Variants in DRAXIN observed in about 807,000 individuals in gnomAD.
The protein encoded by DRAXIN is dorsal inhibitory axon guidance protein, also known as dorsal repulsive axon guidance protein.
DRAXIN carries 27 observed loss-of-function variants against 33.9 expected under a neutral mutation model. The observed-to-expected ratio is 0.80, with a 90% CI of 0.59 to 1.10. The LOEUF (loss-of-function observed/expected upper bound fraction) is 1.10, where lower values mean the gene tolerates loss of function less well. DRAXIN is among the 50% of genes least tolerant of loss of function. DRAXIN has a pLI of 0.00. For missense variants in DRAXIN, 371 were observed against 460.8 expected, an observed-to-expected ratio of 0.81 and a Z score of 1.78; for synonymous variants, 178 against 194.0, an observed-to-expected ratio of 0.92 and a Z score of 0.69.
At position 11,706,298 on chromosome 1, in the gene DRAXIN, C is replaced by T. The variant is rs1360682193; in HGVS notation, c.40C>T (p.Leu14Phe). 2 of 1,612,418 alleles carry T rather than the reference C, an allele frequency of 1.2e-6. No individual in the cohort carries two copies. Among genetic ancestry groups the T allele is most frequent in the East Asian group, 2.2e-5 (1 of 44,866 alleles). Residue 14 changes from leucine (L) to phenylalanine (F), a missense_variant, in exon 2 of 7, where the codon CTC (leucine) becomes TTC (phenylalanine). Transcript: ENST00000294485. The surrounding 1 kb of genome is among the most constrained non-coding windows in gnomAD (Gnocchi z 5.5). ...PAIHTAPMLF[L>F]VLLLPLELSL... ...CATCCACACCGCTCCCATGCTGTTC[C>T]TCGTCCTCCTGCTGCCCCTGGAGCT...
At chr1:11,698,902 CAT>C (rs1641231155) in intron 1 of DRAXIN, among the ~76,000 whole-genome samples, 1 of 152,196 alleles carries the variant, frequency 6.6e-6, no homozygotes, top group Non-Finnish European at 1.5e-5. Flanking sequence ...ACTACAGAGA[CAT>C]AAAACCTGAG....
In DRAXIN at chr1:11,692,383, G is replaced by T. The variant is rs577415794; in HGVS notation, c.-11+530G>T. Among the ~76,000 whole-genome samples, 1 of 152,198 alleles carries T rather than the reference G, an allele frequency of 6.6e-6. No individual in the cohort carries two copies. The highest frequency in any genetic ancestry group is 1.5e-5 in the Non-Finnish European group (1 of 68,030). ...TTTCGAGGCCGCCCAGGAGGCTGGG[G>T]TGTGTGGCCGGGGTCGCTGAGTGCG... is the stretch of plus-strand genomic sequence containing the variant. On this transcript the variant is annotated intron_variant, in intron 1 of 6. Coordinates refer to ENST00000294485, the MANE Select transcript of DRAXIN (RefSeq NM_198545.4). This position sits in a 1 kb window ranked among gnomAD's most constrained non-coding sequence, Gnocchi z 5.8.
upstream of DRAXIN, among the ~76,000 whole-genome samples, chr1:11,690,682 A>T (rs563791238): frequency 4.6e-5 from 7 of 152,324 alleles, no homozygotes; most frequent in Admixed American, 3.9e-4. The surrounding 1 kb of genome is among the most constrained non-coding windows in gnomAD (Gnocchi z 4.2). Context: ...TGCTTCCCAC[A>T]TATGGGAGTC....
chr1:11,687,821 A>G (rs1452957722), upstream of DRAXIN, among the ~76,000 whole-genome samples: 1 of 152,180 alleles, frequency 6.6e-6, no homozygotes, highest in Non-Finnish European at 1.5e-5. This position sits in a 1 kb window ranked among gnomAD's most constrained non-coding sequence, Gnocchi z 4.1. Context: ...CGTAGAACCA[A>G]AATACTCCCG....
At chr1:11,697,895 A>G (rs1641215706) in intron 1 of DRAXIN, among the ~76,000 whole-genome samples, 1 of 152,324 alleles carries the variant, frequency 6.6e-6, no homozygotes, top group African/African-American at 2.4e-5. Context: ...TGGGCGATAC[A>G]GAGCCACAGG....
intron 4 of DRAXIN, 70 bp downstream of exon 4, chr1:11,712,035 G>A: frequency 1.4e-6 from 2 of 1,467,196 alleles, no homozygotes; most frequent in Non-Finnish European, 1.9e-6. Flanking sequence ...GTTGAGGTGG[G>A]GGCCCCAGTG....
intron 1 of DRAXIN, among the ~76,000 whole-genome samples, chr1:11,698,591 G>A (rs928654045): frequency 2.6e-5 from 4 of 152,304 alleles, no homozygotes; most frequent in East Asian, 1.9e-4. Context: ...CGGGACTCAC[G>A]CCTGTAATTC....
chr1:11,717,482 T>C (rs1251252804), intron 6 of DRAXIN, among the ~76,000 whole-genome samples: 1 of 147,256 alleles, frequency 6.8e-6, no homozygotes, highest in Non-Finnish European at 1.5e-5. Flanking sequence ...ACCAACATGG[T>C]GAAATCCCAT....
chr1:11,715,054 G>A (rs1166749329), intron 5 of DRAXIN, 65 bp from the exon 6 acceptor site: 18 of 1,573,632 alleles, frequency 1.1e-5, no homozygotes, highest in South Asian at 2.2e-5. Context: ...CAGTGGGACC[G>A]AGTGCAGGGC....
At position 11,721,812 on chromosome 1, in the gene DRAXIN, C is replaced by T. The variant is rs1320162822; in HGVS notation, c.*2116C>T. The T allele has an allele frequency of 2.0e-5, 3 of 152,108 alleles. No individual in the cohort carries two copies. The highest frequency in any genetic ancestry group is 1.9e-4 in the East Asian group (1 of 5,196). 9.4% of individuals were successfully genotyped at this position (152,108 alleles called of 1,614,324 possible). ...CCAGCCTGGCCAACATGGCAAAACC[C>T]GGTCTCTACCAAATATACAAAAATT... On this transcript the variant is annotated 3_prime_UTR_variant, in exon 7 of 7. Coordinates refer to ENST00000294485, the MANE Select transcript of DRAXIN (RefSeq NM_198545.4).
At chr1:11,709,571 C>A in intron 3 of DRAXIN, 106 bp downstream of exon 3, 1 of 1,313,088 alleles carries the variant, frequency 7.6e-7, no homozygotes, top group Non-Finnish European at 1.0e-6. Context: ...GGCAGGAGGC[C>A]ACAGAGCTTA....
upstream of DRAXIN, among the ~76,000 whole-genome samples, chr1:11,687,812 G>A (rs770843505): frequency 2.0e-5 from 3 of 152,060 alleles, no homozygotes; most frequent in East Asian, 1.9e-4. This position sits in a 1 kb window ranked among gnomAD's most constrained non-coding sequence, Gnocchi z 4.1. Flanking sequence ...TCATTCCTTC[G>A]TAGAACCAAA....
In DRAXIN at chr1:11,704,373, A is replaced by G. The variant is rs891466366; in HGVS notation, c.-10-1876A>G. Among the ~76,000 whole-genome samples, 1 of 152,088 alleles carries G rather than the reference A, an allele frequency of 6.6e-6. No homozygotes were observed. Among genetic ancestry groups the G allele is most frequent in the Non-Finnish European group, 1.5e-5 (1 of 67,980 alleles). Reference sequence around the variant, plus strand: ...CAGTGGTCAGGCTAAATGCCAGCCCAGAGAGCAGCCCCGCTCCACTGGCCC... The same window carrying G: ...CAGTGGTCAGGCTAAATGCCAGCCCGGAGAGCAGCCCCGCTCCACTGGCCC... On this transcript the variant is annotated intron_variant, in intron 1 of 6. Transcript: ENST00000294485. This position sits in a 1 kb window ranked among gnomAD's most constrained non-coding sequence, Gnocchi z 4.6.
rs1641368898 is a variant in DRAXIN at position 11,705,821 on chromosome 1, T to C, written c.-10-428T>C. On this transcript the variant is annotated intron_variant, in intron 1 of 6. Transcript: ENST00000294485. This position sits in a 1 kb window ranked among gnomAD's most constrained non-coding sequence, Gnocchi z 4.8. ...ATGGAATTAGGCTCCGAGTCAAGTC[T>C]CAGGGGCCAGAGGCATATTTCTGAG... Among the ~76,000 whole-genome samples, 1 of 152,148 alleles carries C rather than the reference T, an allele frequency of 6.6e-6. No individual in the cohort carries two copies. Among genetic ancestry groups the C allele is most frequent in the Admixed American group, 6.5e-5 (1 of 15,276 alleles).
rs182664893 is a variant in DRAXIN at position 11,696,472 on chromosome 1, G to A, written c.-11+4619G>A. 7.2e-5 allele frequency among the ~76,000 whole-genome samples: 11 copies of A among 152,204 alleles called. 1 individual carries two copies. The highest frequency in any genetic ancestry group is 1.5e-4 in the Non-Finnish European group (10 of 68,016). On this transcript the variant is annotated intron_variant, in intron 1 of 6. Coordinates refer to ENST00000294485, the MANE Select transcript of DRAXIN (RefSeq NM_198545.4). This position sits in a 1 kb window ranked among gnomAD's most constrained non-coding sequence, Gnocchi z 4.7. ...ATGGTGGTGGGAGCCTGTAATCCCA[G>A]TTACTCGGAAGGCTGAGGCAGGAGA...
intron 1 of DRAXIN, 43 bp downstream of exon 1, chr1:11,691,896 C>T (rs2100725872): frequency 6.6e-6 from 1 of 152,008 alleles, no homozygotes; most frequent in East Asian, 2.0e-4. Flanking sequence ...GCCCCTCCCG[C>T]CCCACCTGGC....
intron 6 of DRAXIN, 120 bp downstream of exon 6, chr1:11,715,328 G>A: frequency 8.0e-7 from 1 of 1,256,928 alleles, no homozygotes; most frequent in Non-Finnish European, 1.1e-6. Context: ...GGTGGATCAT[G>A]GGCCTGCGGC....
At chr1:11,707,139 T>C (rs1000771995) in intron 2 of DRAXIN, among the ~76,000 whole-genome samples, 1 of 152,168 alleles carries the variant, frequency 6.6e-6, no homozygotes, top group African/African-American at 2.4e-5. Context: ...AGGCGGAGCT[T>C]GCAGTGAGCT....
Position 11,706,438 on chromosome 1 carries a change from G to C in DRAXIN, c.180G>C (p.Arg60=). 3.1e-6 allele frequency: 5 copies of C among 1,611,662 alleles called. No individual in the cohort carries two copies. Among genetic ancestry groups the C allele is most frequent in the Non-Finnish European group, 4.2e-6 (5 of 1,179,386 alleles). The change falls in exon 2 of 7, where the codon CGG becomes CGC. Residue 60 remains arginine (R), a synonymous_variant. Coordinates refer to ENST00000294485, the MANE Select transcript of DRAXIN (RefSeq NM_198545.4). This position sits in a 1 kb window ranked among gnomAD's most constrained non-coding sequence, Gnocchi z 5.5. ...CTCAGGCCAGCCACCACCGCCGGCG[G>C]GGCCCGGGCAAGAAGGAGTGGGGCC... is the stretch of plus-strand genomic sequence containing the variant. ...WTPQASHHRR[R]GPGKKEWGPG...
Sources: gnomAD v4.1 joint callset for allele counts (sites outside exome capture counted in the v4.1 genomes callset) on GRCh38, gnomAD v4.1.1 for gene constraint, Gnocchi (gnomAD v3.1) non-coding constraint, MANE v1.5 for transcripts, NCBI Gene and HGNC (gene_info 2026-07-23, HGNC 2026-07-21) for gene names.